The following ARHGEF33 variants were observed in gnomAD, a reference collection of about 807,000 sequenced individuals.
The protein encoded by ARHGEF33 is Rho guanine nucleotide exchange factor 33, also known as DH and coiled-coil domain-containing protein ENSP00000381780.
Under a neutral mutation model 101.9 loss-of-function variants are expected in ARHGEF33, and 72 were observed. The observed-to-expected ratio is 0.71, with a 90% CI of 0.58 to 0.86. The LOEUF is 0.86. ARHGEF33 is among the 40% of genes least tolerant of loss of function. The pLI is 0.00. For missense variants in ARHGEF33, 1,169 were observed against 1,111.3 expected, an observed-to-expected ratio of 1.05 and a Z score of -0.74; for synonymous variants, 499 against 442.5, an observed-to-expected ratio of 1.13 and a Z score of -1.60.
Position 38,959,878 on chromosome 2 carries a change from C to T in ARHGEF33, c.1573C>T (p.Gln525Ter). 1 of 1,551,274 alleles carries T rather than the reference C, an allele frequency of 6.4e-7. No homozygotes were observed. The highest frequency in any genetic ancestry group is 8.7e-7 in the Non-Finnish European group (1 of 1,146,510). ...CCCAGTGAAGAAAAGCCAACAGCAG[C>T]AAAGCCTGATGGAGAGCATGCAGCC... Reference protein sequence around the residue: ...MPPVKKSQQQQSLMESMQPGK... With the variant: ...MPPVKKSQQQ The change falls in exon 16 of 18, where the codon CAA (glutamine) becomes TAA (stop). Residue 525 changes from glutamine to a stop codon, truncating the protein, a stop_gained. Coordinates refer to ENST00000409978, the MANE Select transcript of ARHGEF33 (RefSeq NM_001145451.5). LOFTEE classifies it high-confidence loss of function.
intron 2 of ARHGEF33, among the ~76,000 whole-genome samples, chr2:38,911,150 A>T (rs1391941777): frequency 1.3e-5 from 2 of 152,222 alleles, no homozygotes; most frequent in African/African-American, 4.8e-5. Context: ...CTCTATAGAA[A>T]AAAAAAGCAA....
chr2:38,951,262 A>T, intron 11 of ARHGEF33, 141 bp downstream of exon 11: 1 of 808,670 alleles, frequency 1.2e-6, no homozygotes, highest in Non-Finnish European at 1.9e-6. Flanking sequence ...CTCATTCTAC[A>T]TACAGATCAT....
At chr2:38,957,929 G>A (rs1667810611) in intron 14 of ARHGEF33, 105 bp from the exon 15 acceptor site, 1 of 1,382,696 alleles carries the variant, frequency 7.2e-7, no homozygotes. Flanking sequence ...GACCTTCACA[G>A]CAAACTTTAT....
At chr2:38,953,309 C>T (rs960908209) in intron 12 of ARHGEF33, 64 bp downstream of exon 12, 23 of 965,690 alleles carry the variant, frequency 2.4e-5, no homozygotes, top group Non-Finnish European at 3.3e-5. Context: ...TGTTGCTCAT[C>T]CACCCAGTCA....
At chr2:38,971,187 C>T (rs1237958464) in intron 17 of ARHGEF33, among the ~76,000 whole-genome samples, 1 of 152,160 alleles carries the variant, frequency 6.6e-6, no homozygotes, top group Non-Finnish European at 1.5e-5. Flanking sequence ...TACCCCCATC[C>T]CCAGCTCCAA....
chr2:38,916,801 CTTTT>C (rs200104155), intron 2 of ARHGEF33, among the ~76,000 whole-genome samples: 3 of 137,992 alleles, frequency 2.2e-5, no homozygotes, highest in Non-Finnish European at 3.2e-5. Flanking sequence ...ATAATAAAGT[CTTTT>C]TTTTTTTTTT....
chr2:38,895,457 A>G (rs954546890), intron 1 of ARHGEF33, among the ~76,000 whole-genome samples: 2 of 152,220 alleles, frequency 1.3e-5, no homozygotes, highest in African/African-American at 4.8e-5. Flanking sequence ...CTGATTCAGC[A>G]AAGCCCCCTA....
rs1281929146 is a variant in ARHGEF33, at chr2:38,951,076, C to G, written c.1008C>G (p.Arg336=). The change falls in exon 11 of 18, where the codon CGC becomes CGG. Residue 336 remains arginine, a synonymous_variant. Coordinates refer to ENST00000409978, the MANE Select transcript of ARHGEF33 (RefSeq NM_001145451.5). ...AGGAAAGGGTCCTGAAGTGGCCACGCCAAGGCGTTCTTGGAGATTTATTCC... is the reference window on the plus strand; with the variant it reads ...AGGAAAGGGTCCTGAAGTGGCCACGGCAAGGCGTTCTTGGAGATTTATTCC... ...ALQERVLKWP[R]QGVLGDLFLK... 1 of 1,551,990 alleles carries G rather than the reference C, an allele frequency of 6.4e-7. No individual in the cohort carries two copies. The highest frequency in any genetic ancestry group is 1.4e-5 in the African/African-American group (1 of 73,192).
chr2:38,956,749 C>T (rs1667777142), intron 13 of ARHGEF33, 150 bp from the exon 14 acceptor site: 8 of 929,268 alleles, frequency 8.6e-6, no homozygotes, highest in Admixed American at 2.8e-5. Flanking sequence ...GACCTTTCAG[C>T]GTATAATTAG....
At chr2:38,945,009 T>A (rs1325816834) in intron 10 of ARHGEF33, among the ~76,000 whole-genome samples, 1 of 151,928 alleles carries the variant, frequency 6.6e-6, no homozygotes, top group Non-Finnish European at 1.5e-5. Context: ...CCCTCTCTGT[T>A]GAGAGAAAGC....
At chr2:38,971,776 G>C (rs1668171413) in intron 17 of ARHGEF33, 1 of 716,310 alleles carries the variant, frequency 1.4e-6, no homozygotes, top group Non-Finnish European at 2.6e-6. Flanking sequence ...GAGACATAGG[G>C]AAGGTACAAT....
At chr2:38,961,164 G>A (rs2124425178) in intron 16 of ARHGEF33, among the ~76,000 whole-genome samples, 1 of 152,324 alleles carries the variant, frequency 6.6e-6, no homozygotes, top group Middle Eastern at 3.4e-3. Flanking sequence ...TGTAGCTAGG[G>A]AGGAGGCAAG....
chr2:38,891,806 A>G (rs187158757), intron 1 of ARHGEF33, among the ~76,000 whole-genome samples: 84 of 150,802 alleles, frequency 5.6e-4, no homozygotes, highest in Non-Finnish European at 8.9e-5. Flanking sequence ...GGCCCCAAGG[A>G]CTTGACTAAT....
chr2:38,954,432 C>A lies in ARHGEF33; in HGVS notation c.1197C>A (p.Ile399=). The A allele has an allele frequency of 6.5e-7, 1 of 1,550,352 alleles. No homozygotes were observed. The highest frequency in any genetic ancestry group is 8.7e-7 in the Non-Finnish European group (1 of 1,145,792). Residue 399 remains isoleucine (I), a synonymous_variant, in exon 13 of 18, where the codon ATC becomes ATA. Coordinates refer to ENST00000409978, the MANE Select transcript of ARHGEF33 (RefSeq NM_001145451.5). ...YTLFFHIVQR[I]PEYLIHLQNV... is the part of the protein sequence containing the mutation. ...TGTTTTTTCACATAGTCCAGCGCATCCCTGAATATCTGATACATCTGCAGG... is the reference window on the plus strand; with the variant it reads ...TGTTTTTTCACATAGTCCAGCGCATACCTGAATATCTGATACATCTGCAGG...
intron 2 of ARHGEF33, among the ~76,000 whole-genome samples, chr2:38,908,797 T>C (rs1666449417): frequency 2.0e-5 from 3 of 152,246 alleles, no homozygotes; most frequent in African/African-American, 7.2e-5. Flanking sequence ...TCTTGGTTTT[T>C]CAAGCCAGGG....
chr2:38,958,361 A>C (rs1358836557), intron 15 of ARHGEF33, among the ~76,000 whole-genome samples, 163 bp downstream of exon 15: 1 of 152,230 alleles, frequency 6.6e-6, no homozygotes, highest in Non-Finnish European at 1.5e-5. Flanking sequence ...AGAGGAAGGC[A>C]CTAATGTTAA....
chr2:38,968,808 G>A (rs1668105943), intron 17 of ARHGEF33, among the ~76,000 whole-genome samples: 1 of 152,228 alleles, frequency 6.6e-6, no homozygotes, highest in African/African-American at 2.4e-5. Flanking sequence ...CTGGCCTAGG[G>A]CAGTCAGTAC....
At chr2:38,927,664 C>CCA (rs1666905139) in intron 4 of ARHGEF33, among the ~76,000 whole-genome samples, 1 of 152,200 alleles carries the variant, frequency 6.6e-6, no homozygotes, top group South Asian at 2.1e-4. Flanking sequence ...CCACTGCACT[C>CCA]CAGCCTGGGC....
At chr2:38,892,422 T>C (rs1666026864) in intron 1 of ARHGEF33, among the ~76,000 whole-genome samples, 1 of 32,074 alleles carries the variant, frequency 3.1e-5, no homozygotes, top group Admixed American at 4.2e-4. Flanking sequence ...GGTAAACAGA[T>C]AACTGGGGAA....
Sources: gnomAD v4.1 joint callset for allele counts (sites outside exome capture counted in the v4.1 genomes callset) on GRCh38, gnomAD v4.1.1 for gene constraint, MANE v1.5 for transcripts, NCBI Gene and HGNC (gene_info 2026-07-23, HGNC 2026-07-21) for gene names.